The following ERAP1 variants were observed in gnomAD, a reference collection of about 807,000 sequenced individuals.
ERAP1 encodes endoplasmic reticulum aminopeptidase 1, also known as adipocyte-derived leucine aminopeptidase.
In ERAP1, 86 loss-of-function variants were observed where a neutral mutation model predicts 103.7. The observed-to-expected ratio is 0.83, with a 90% CI of 0.70 to 0.99. ERAP1 has a LOEUF of 0.99. Among genes scored for constraint, ERAP1 ranks in the 50% least tolerant of loss-of-function variants. The probability of loss-of-function intolerance (pLI) is 0.00; values close to 1 mark genes in which losing one functional copy is unlikely to be tolerated. For synonymous variants in ERAP1, 398 were observed against 402.4 expected, an observed-to-expected ratio of 0.99 and a Z score of 0.13; for missense variants, 1,009 against 1,128.4, an observed-to-expected ratio of 0.89 and a Z score of 1.52.
the ERAP1 span, among the ~76,000 whole-genome samples, chr5:96,911,640 G>A: frequency 1.3e-4 from 20 of 151,826 alleles, no homozygotes; most frequent in Non-Finnish European, 2.4e-4. Context: ...AAGGCCAAGG[G>A]GTAAGAAGAT....
the ERAP1 span, among the ~76,000 whole-genome samples, chr5:96,865,848 C>G: frequency 6.6e-6 from 1 of 152,192 alleles, no homozygotes; most frequent in Non-Finnish European, 1.5e-5. Flanking sequence ...TAGGTCCACA[C>G]AAGCGGTGCA....
intron 11 of ERAP1, 31 bp downstream of exon 11, chr5:96,788,499 CA>C (rs1483008783): frequency 1.2e-6 from 2 of 1,612,966 alleles, no homozygotes; most frequent in South Asian, 2.2e-5. Context: ...GTTACCTAGA[CA>C]ACAAAACAAA....
intron 19 of ERAP1, among the ~76,000 whole-genome samples, chr5:96,768,680 C>G (rs2150759121): frequency 6.6e-6 from 1 of 152,274 alleles, no homozygotes; most frequent in South Asian, 2.1e-4. Flanking sequence ...TGAGAGCAGG[C>G]CCTAACTACA....
the ERAP1 span, among the ~76,000 whole-genome samples, chr5:96,914,148 T>TCACACACACACACACACACACACACACA: frequency 5.4e-5 from 8 of 148,080 alleles, no homozygotes; most frequent in African/African-American, 1.7e-4. Flanking sequence ...TCTCTCTCTC[T>TCACACACACACACACACACACACACACA]CACACACACA....
chr5:96,761,166 A>C (rs1473687121), exon 20 of ERAP1: 1 of 152,232 alleles, frequency 6.6e-6, no homozygotes, highest in Non-Finnish European at 1.5e-5. Flanking sequence ...GCTTTGCGAT[A>C]CAAATTTCCA....
At chr5:96,895,337 C>A in the ERAP1 span, 5 of 1,609,748 alleles carry the variant, frequency 3.1e-6, no homozygotes, top group African/African-American at 5.4e-5. Flanking sequence ...GCTGTTAATG[C>A]TACATATCCA....
the ERAP1 span, among the ~76,000 whole-genome samples, chr5:96,832,637 C>G: frequency 6.6e-6 from 1 of 152,080 alleles, no homozygotes; most frequent in South Asian, 2.1e-4. Context: ...TGACTTTTAT[C>G]CTTGAAAATA....
chr5:96,883,271 T>A, the ERAP1 span, among the ~76,000 whole-genome samples: 1 of 152,182 alleles, frequency 6.6e-6, no homozygotes, highest in Admixed American at 6.5e-5. Context: ...CTTTTCCCTG[T>A]CCTGCTTCCC....
At chr5:96,816,923 G>A in the ERAP1 span, among the ~76,000 whole-genome samples, 18 of 152,176 alleles carry the variant, frequency 1.2e-4, no homozygotes, top group African/African-American at 3.6e-4. Context: ...CCAAACTCCA[G>A]GGGCAAAAGC....
In ERAP1 at chr5:96,775,203, A is replaced by G; in HGVS notation, c.*1193T>C. The stretch of plus-strand genomic sequence containing the variant: ...GTAAACTGTGCTTTCTATTATTATC[A>G]TCTATACATAAAACCTGAGCAGCAA... On this transcript the variant is annotated 3_prime_UTR_variant, in exon 19 of 19. Transcript: ENST00000443439. The G allele has an allele frequency of 1.0e-6, 1 of 985,548 alleles. No individual in the cohort carries two copies. Among genetic ancestry groups the G allele is most frequent in the Non-Finnish European group, 1.2e-6 (1 of 829,920 alleles). The allele number at this position is 985,548 out of a possible 1,614,324, so 61.1% of individuals were successfully genotyped here.
chr5:96,857,299 A>T, the ERAP1 span, among the ~76,000 whole-genome samples: 1 of 152,172 alleles, frequency 6.6e-6, no homozygotes, highest in African/African-American at 2.4e-5. Flanking sequence ...CACACATGTC[A>T]CACTGGGTTA....
chr5:96,822,891 G>T, the ERAP1 span: 1 of 356,050 alleles, frequency 2.8e-6, no homozygotes, highest in African/African-American at 2.1e-5. Flanking sequence ...TCTCCTTAGG[G>T]TCACATGAGG....
chr5:96,833,921 A>T, the ERAP1 span, among the ~76,000 whole-genome samples: 1 of 152,150 alleles, frequency 6.6e-6, no homozygotes, highest in African/African-American at 2.4e-5. Flanking sequence ...TGTATTCATT[A>T]AAAAAATTGA....
the ERAP1 span, among the ~76,000 whole-genome samples, chr5:96,882,773 C>A: frequency 6.6e-6 from 1 of 151,992 alleles, no homozygotes. Flanking sequence ...TCATTTACAT[C>A]CCTAGCCTCA....
chr5:96,770,346 C>T, downstream of ERAP1: 1 of 545,706 alleles, frequency 1.8e-6, no homozygotes, highest in Non-Finnish European at 3.3e-6. Context: ...ATCCTTTTTC[C>T]CTCCTGCTTT....
chr5:96,868,077 A>T, the ERAP1 span, among the ~76,000 whole-genome samples: 1 of 152,060 alleles, frequency 6.6e-6, no homozygotes, highest in Admixed American at 6.6e-5. Context: ...TCCATCTCCA[A>T]AAAAAAGAAA....
In ERAP1 at chr5:96,776,274, A is replaced by G; in HGVS notation, c.*122T>C. 6.5e-7 allele frequency: 1 copy of G among 1,529,778 alleles called. No individual in the cohort carries two copies. The highest frequency in any genetic ancestry group is 1.7e-4 in the Middle Eastern group (1 of 5,738). 94.8% of individuals were successfully genotyped at this position (1,529,778 alleles called of 1,614,324 possible). ...TATTCTTTTCACAGGGATAGTCAAA[A>G]AATGAGTTGAAGGGAAAAAAGTATC... is the stretch of plus-strand genomic sequence containing the variant. On this transcript the variant is annotated 3_prime_UTR_variant, in exon 19 of 19. Coordinates refer to ENST00000443439, the MANE Select transcript of ERAP1 (RefSeq NM_001040458.3).
At chr5:96,912,675 G>C in the ERAP1 span, 11 of 1,610,652 alleles carry the variant, frequency 6.8e-6, no homozygotes, top group Non-Finnish European at 9.3e-6. Context: ...TATTCTGTGG[G>C]TGCTCAGACA....
At chr5:96,874,687 T>C in the ERAP1 span, among the ~76,000 whole-genome samples, 1 of 152,230 alleles carries the variant, frequency 6.6e-6, no homozygotes, top group Non-Finnish European at 1.5e-5. Flanking sequence ...CCCTTCTACT[T>C]TATCGACTTG....
Sources: allele counts gnomAD v4.1 joint callset (sites outside exome capture counted in the v4.1 genomes callset), GRCh38; gene constraint gnomAD v4.1.1; transcripts MANE v1.5; gene names NCBI Gene and HGNC (gene_info 2026-07-23, HGNC 2026-07-21).